The following RHBDL3 variants were observed in gnomAD, a reference collection of about 807,000 sequenced individuals.
RHBDL3 encodes the protein rhomboid like 3.
A neutral mutation model predicts 48.2 loss-of-function variants in RHBDL3; 28 were observed. The observed-to-expected ratio is 0.58, with a 90% CI of 0.43 to 0.80. The LOEUF (loss-of-function observed/expected upper bound fraction) is 0.80. RHBDL3 is among the 30% of genes least tolerant of loss of function. The pLI is 0.00. For synonymous variants in RHBDL3, 208 were observed against 232.3 expected (o/e 0.90, Z 0.95); for missense variants, 464 against 542.7 (o/e 0.85, Z 1.44).
chr17:32,288,750 G>A, intron 3 of RHBDL3, 42 bp from the exon 4 acceptor site: 1 of 1,487,456 alleles, frequency 6.7e-7, no homozygotes, highest in Non-Finnish European at 9.2e-7. Flanking sequence ...AGCTCCGCTG[G>A]GCCCCAGCTC....
intron 8 of RHBDL3, among the ~76,000 whole-genome samples, chr17:32,317,447 C>T (rs1431641990): frequency 2.0e-5 from 3 of 152,124 alleles, no homozygotes; most frequent in Non-Finnish European, 4.4e-5. Flanking sequence ...GTCTTCAGGG[C>T]CCTAGTTGGG....
intron 1 of RHBDL3, 95 bp from the exon 2 acceptor site, chr17:32,267,807 T>A (rs2039671990): frequency 1.4e-5 from 22 of 1,602,580 alleles, no homozygotes; most frequent in Non-Finnish European, 1.7e-5. Context: ...GGAGGCTATG[T>A]CAGAAACATC....
rs150170570 is a variant in RHBDL3 at position 32,320,909 on chromosome 17, C to T, written c.944-49C>T. ...GGGTGATGAAGTGAAGGCCCTCAGC[C>T]CCTGCTCAGGGCCCTCCTGTGACAT... On this transcript the variant is annotated intron_variant, in intron 8 of 8. Coordinates refer to ENST00000269051, the MANE Select transcript of RHBDL3 (RefSeq NM_138328.3). The T allele has an allele frequency of 1.3e-4, 186 of 1,397,514 alleles. No individual in the cohort carries two copies. In the African/African-American group the frequency reaches 2.5e-3, roughly 19 times the overall value. The allele number at this position is 1,397,514 out of a possible 1,614,324, so 86.6% of individuals were successfully genotyped here.
intron 6 of RHBDL3, among the ~76,000 whole-genome samples, chr17:32,299,706 G>A (rs2040538811): frequency 6.6e-6 from 1 of 152,218 alleles, no homozygotes; most frequent in South Asian, 2.1e-4. Context: ...GGGAGACAGA[G>A]TAGGTGTCAC....
At chr17:32,292,801 C>CAAAAAA (rs60403728) in intron 4 of RHBDL3, among the ~76,000 whole-genome samples, 16 of 77,258 alleles carry the variant, frequency 2.1e-4, no homozygotes, top group African/African-American at 7.0e-4. Flanking sequence ...GACTCCACCT[C>CAAAAAA]AAAAAAAAAA....
At chr17:32,286,988 G>A (rs1042440376) in intron 3 of RHBDL3, among the ~76,000 whole-genome samples, 9 of 152,206 alleles carry the variant, frequency 5.9e-5, no homozygotes, top group Admixed American at 3.3e-4. Context: ...TGACTCTGTG[G>A]TTTACTAAGT....
chr17:32,316,116 C>A, intron 7 of RHBDL3, 116 bp from the exon 8 acceptor site: 1 of 746,142 alleles, frequency 1.3e-6, no homozygotes, highest in East Asian at 2.5e-5. Flanking sequence ...AAGCCACAAC[C>A]CTCTCATTCA....
At chr17:32,271,045 T>A (rs1394585445) in intron 2 of RHBDL3, among the ~76,000 whole-genome samples, 1 of 151,848 alleles carries the variant, frequency 6.6e-6, no homozygotes, top group Non-Finnish European at 1.5e-5. Flanking sequence ...TTTAAAAGTT[T>A]AAAAAAAAAT....
At chr17:32,280,082 C>T (rs2040007365) in intron 2 of RHBDL3, among the ~76,000 whole-genome samples, 1 of 152,156 alleles carries the variant, frequency 6.6e-6, no homozygotes, top group Admixed American at 6.5e-5. Flanking sequence ...GGTGGGCGGG[C>T]CAGCTCCTCT....
chr17:32,300,881 T>C (rs2040566368), intron 6 of RHBDL3, among the ~76,000 whole-genome samples: 1 of 106,844 alleles, frequency 9.4e-6, no homozygotes, highest in Admixed American at 8.4e-5. Context: ...GCTTCTTTCC[T>C]TTTTTTTTTT....
At chr17:32,320,710 G>GT (rs2041106821) in intron 8 of RHBDL3, among the ~76,000 whole-genome samples, 1 of 152,188 alleles carries the variant, frequency 6.6e-6, no homozygotes, top group African/African-American at 2.4e-5. Context: ...TTAATCACCT[G>GT]TTTCCCCCCA....
chr17:32,286,102 T>TGAGTCCTG (rs1170743848), intron 3 of RHBDL3, among the ~76,000 whole-genome samples: 21 of 151,898 alleles, frequency 1.4e-4, no homozygotes, highest in Non-Finnish European at 7.4e-5. Flanking sequence ...GCAGTGAGGG[T>TGAGTCCTG]GAGTCCTGTG....
At chr17:32,284,621 T>A in intron 2 of RHBDL3, 38 bp from the exon 3 acceptor site, 1 of 1,605,390 alleles carries the variant, frequency 6.2e-7, no homozygotes, top group Non-Finnish European at 8.5e-7. Context: ...GAGGAGGTGG[T>A]GCCCTGCTGA....
intron 2 of RHBDL3, among the ~76,000 whole-genome samples, chr17:32,281,218 G>A (rs1041399322): frequency 5.3e-5 from 8 of 152,146 alleles, no homozygotes; most frequent in African/African-American, 1.9e-4. Flanking sequence ...TGGGGGTGGA[G>A]GCTTGAGCCA....
intron 6 of RHBDL3, among the ~76,000 whole-genome samples, chr17:32,298,418 G>C (rs1233664164): frequency 1.3e-5 from 2 of 152,248 alleles, no homozygotes; most frequent in South Asian, 2.1e-4. Flanking sequence ...GTGGCAGGAC[G>C]GGGGAGGAGA....
At chr17:32,268,593 T>G (rs113763649) in intron 2 of RHBDL3, among the ~76,000 whole-genome samples, 1 of 152,172 alleles carries the variant, frequency 6.6e-6, no homozygotes, top group African/African-American at 2.4e-5. Context: ...GGTGCTGTTA[T>G]GTGCTTCCTT....
chr17:32,311,307 T>C (rs1451304900), intron 7 of RHBDL3, among the ~76,000 whole-genome samples: 1 of 152,232 alleles, frequency 6.6e-6, no homozygotes, highest in Non-Finnish European at 1.5e-5. Flanking sequence ...TCTCCCGTTG[T>C]TTCAGTGCAC....
At chr17:32,297,668 T>C (rs1452814301) in intron 5 of RHBDL3, among the ~76,000 whole-genome samples, 2 of 142,210 alleles carry the variant, frequency 1.4e-5, no homozygotes, top group Non-Finnish European at 3.1e-5. Context: ...TTTTTTTTTT[T>C]TTTTTTTTTT....
intron 8 of RHBDL3, among the ~76,000 whole-genome samples, chr17:32,317,714 G>A (rs1479837434): frequency 6.6e-6 from 1 of 152,200 alleles, no homozygotes; most frequent in African/African-American, 2.4e-5. Context: ...GCTAAGAAAA[G>A]AAAATGTACT....
Sources: allele counts gnomAD v4.1 joint callset (sites outside exome capture counted in the v4.1 genomes callset), GRCh38; gene constraint gnomAD v4.1.1; transcripts MANE v1.5; gene names NCBI Gene and HGNC (gene_info 2026-07-23, HGNC 2026-07-21).